Variants in TTC29 observed in about 807,000 individuals in gnomAD.
TTC29 encodes tetratricopeptide repeat domain 29, also known as tetratricopeptide repeat protein 29.
A neutral mutation model predicts 58.1 loss-of-function variants in TTC29; 49 were observed. The observed-to-expected ratio is 0.84, with a 90% CI of 0.67 to 1.07. TTC29 has a LOEUF of 1.07. Ranked by LOEUF, TTC29 falls within the 50% of genes least tolerant of loss-of-function variation. The pLI is 0.00. For missense variants in TTC29, 582 were observed against 555.6 expected (o/e 1.05, Z -0.48); for synonymous variants, 209 against 196.8 (o/e 1.06, Z -0.52).
At chr4:146,892,426 CA>C (rs1362111491) in intron 6 of TTC29, among the ~76,000 whole-genome samples, 1 of 152,172 alleles carries the variant, frequency 6.6e-6, no homozygotes, top group Admixed American at 6.5e-5. Flanking sequence ...GAACCAACGA[CA>C]AAAACCATAC....
intron 6 of TTC29, among the ~76,000 whole-genome samples, chr4:146,900,661 T>G (rs1311583498): frequency 6.6e-6 from 1 of 152,084 alleles, no homozygotes; most frequent in Non-Finnish European, 1.5e-5. Flanking sequence ...ATAGAAATAT[T>G]TTAAGATATT....
chr4:146,841,314 T>C (rs1300055950), intron 8 of TTC29, among the ~76,000 whole-genome samples: 1 of 152,120 alleles, frequency 6.6e-6, no homozygotes, highest in African/African-American at 2.4e-5. Context: ...AGGAAGTATT[T>C]TTCTTTCTCC....
chr4:146,753,798 G>T (rs1205253594), intron 11 of TTC29, among the ~76,000 whole-genome samples: 1 of 151,752 alleles, frequency 6.6e-6, no homozygotes, highest in Admixed American at 6.6e-5. Flanking sequence ...GCAAACTATT[G>T]CAAGGACAAA....
chr4:146,707,167 A>AT lies in TTC29; in HGVS notation c.1418dup (p.Asn473LysfsTer2), dbSNP rs765949064. 6.5e-6 allele frequency: 10 copies of AT among 1,529,110 alleles called. No homozygotes were observed. Among genetic ancestry groups the AT allele is most frequent in the African/African-American group, 4.1e-5 (3 of 72,362 alleles). The allele number at this position is 1,529,110 out of a possible 1,614,324, so 94.7% of individuals were successfully genotyped here. A position where few individuals can be genotyped will look rare whatever the true frequency, so the allele number is the denominator to read the frequency against. The stretch of plus-strand genomic sequence containing the variant: ...TAAGTGAAAAGCTGCTTTAAGTTTC[A>AT]TTTTTTTGATCACCTGGAAACCTGA... On this transcript the variant is annotated frameshift_variant, in exon 13 of 13. Coordinates refer to ENST00000325106, the MANE Select transcript of TTC29 (RefSeq NM_031956.4). LOFTEE classifies it high-confidence loss of function.
chr4:146,803,563 C>A lies in TTC29; in HGVS notation c.1224G>T (p.Met408Ile). ...VHYGIAKAHQ[M>I]MLTVNNYIES... ...CTATATAGTTGTTCACTGTAAGCAT[C>A]ATCTGATGAGCTTTTGCTATTCCAT... The change falls in exon 11 of 13, where the codon ATG (methionine) becomes ATT (isoleucine). Residue 408 changes from methionine (M) to isoleucine (I), a missense_variant. By Grantham distance (10) the Met-to-Ile change is conservative. Transcript: ENST00000325106. 1 of 1,606,384 alleles carries A rather than the reference C, an allele frequency of 6.2e-7. No individual in the cohort carries two copies. Among genetic ancestry groups the A allele is most frequent in the East Asian group, 2.2e-5 (1 of 44,750 alleles).
At chr4:146,724,942 C>T (rs761219378) in intron 11 of TTC29, among the ~76,000 whole-genome samples, 7 of 152,204 alleles carry the variant, frequency 4.6e-5, no homozygotes, top group East Asian at 3.9e-4. Context: ...GTGGTTTTTA[C>T]GCAGTTTACA....
Position 146,903,557 on chromosome 4 carries a change from G to C in TTC29, c.573C>G (p.Leu191=). The change falls in exon 6 of 13, where the codon CTC becomes CTG. Residue 191 remains leucine (L), a synonymous_variant. Transcript: ENST00000325106. ...EAEAHMHMGL[L]YEEDGQLLEA... is the part of the protein sequence containing the mutation. ...ATGCCCACTCACCATCTTCCTCGTAGAGAAGACCCATATGCATGTGTGCCT... is the reference window on the plus strand; with the variant it reads ...ATGCCCACTCACCATCTTCCTCGTACAGAAGACCCATATGCATGTGTGCCT... The C allele has an allele frequency of 3.1e-6, 5 of 1,609,974 alleles. No individual in the cohort carries two copies. Among genetic ancestry groups the C allele is most frequent in the Non-Finnish European group, 4.2e-6 (5 of 1,178,152 alleles).
intron 11 of TTC29, 80 bp from the exon 12 acceptor site, chr4:146,707,631 TTTTC>T: frequency 2.0e-6 from 2 of 976,976 alleles, no homozygotes; most frequent in Non-Finnish European, 3.1e-6. Context: ...TGGGAATCCC[TTTTC>T]AGGGATATCT....
intron 11 of TTC29, among the ~76,000 whole-genome samples, chr4:146,722,243 C>T (rs888693012): frequency 2.0e-5 from 3 of 152,058 alleles, no homozygotes; most frequent in Non-Finnish European, 4.4e-5. Context: ...CCATAATTTC[C>T]AAATCAACCT....
At chr4:146,793,133 A>T (rs1749588573) in intron 11 of TTC29, among the ~76,000 whole-genome samples, 1 of 152,176 alleles carries the variant, frequency 6.6e-6, no homozygotes, top group African/African-American at 2.4e-5. Context: ...AACAAAGAAT[A>T]TTACATAAAT....
intron 7 of TTC29, among the ~76,000 whole-genome samples, chr4:146,870,318 A>G (rs955765456): frequency 1.3e-5 from 2 of 152,126 alleles, no homozygotes; most frequent in African/African-American, 4.8e-5. Context: ...GATGAAAATG[A>G]AAACACAACA....
At chr4:146,750,285 G>C (rs916394879) in intron 11 of TTC29, among the ~76,000 whole-genome samples, 2 of 152,164 alleles carry the variant, frequency 1.3e-5, no homozygotes, top group Non-Finnish European at 2.9e-5. Context: ...GGGATTACAG[G>C]CATGAGCCAC....
intron 7 of TTC29, among the ~76,000 whole-genome samples, chr4:146,873,495 G>C (rs935973509): frequency 6.6e-6 from 1 of 152,152 alleles, no homozygotes; most frequent in South Asian, 2.1e-4. Context: ...GAGACCCAAG[G>C]AACTTTTCTT....
At chr4:146,843,532 G>A (rs1561180414) in intron 8 of TTC29, among the ~76,000 whole-genome samples, 2 of 152,106 alleles carry the variant, frequency 1.3e-5, no homozygotes, top group Admixed American at 6.6e-5. Context: ...GGCGGGAAGG[G>A]CTGAGTATTG....
At chr4:146,908,278 A>G (rs981091553) in intron 5 of TTC29, among the ~76,000 whole-genome samples, 5 of 152,162 alleles carry the variant, frequency 3.3e-5, no homozygotes, top group Non-Finnish European at 5.9e-5. Flanking sequence ...TAGAATACCA[A>G]ATTTACATGC....
At chr4:146,791,745 C>G (rs959731133) in intron 11 of TTC29, among the ~76,000 whole-genome samples, 1 of 152,060 alleles carries the variant, frequency 6.6e-6, no homozygotes, top group Admixed American at 6.6e-5. Flanking sequence ...AACAGTTAGC[C>G]AAGTTGTGAA....
chr4:146,866,593 T>C (rs1396716), intron 8 of TTC29, among the ~76,000 whole-genome samples: 101,129 of 151,946 alleles, frequency 0.67, 35,918 homozygotes, highest in African/African-American at 0.92. Flanking sequence ...TGTCTCTGTG[T>C]TCCCCAAGGT....
intron 10 of TTC29, among the ~76,000 whole-genome samples, chr4:146,805,750 T>A (rs142517067): frequency 0.013 from 1,972 of 152,128 alleles, 45 homozygotes; most frequent in African/African-American, 0.045. Flanking sequence ...AAGGACCAAA[T>A]CTACATTTGA....
chr4:146,817,896 C>A (rs1751526208), intron 10 of TTC29, among the ~76,000 whole-genome samples: 1 of 152,204 alleles, frequency 6.6e-6, no homozygotes, highest in Non-Finnish European at 1.5e-5. Context: ...AAAGCTGAAA[C>A]TGGATCCCTT....
Sources: allele counts gnomAD v4.1 joint callset (sites outside exome capture counted in the v4.1 genomes callset), GRCh38; gene constraint gnomAD v4.1.1; transcripts MANE v1.5; gene names NCBI Gene and HGNC (gene_info 2026-07-23, HGNC 2026-07-21).